The following CFAP107 variants were observed in gnomAD, a reference collection of about 807,000 sequenced individuals.
CFAP107 encodes the protein cilia- and flagella-associated protein 107.
the CFAP107 span, among the ~76,000 whole-genome samples, chr1:12,755,495 G>T: frequency 2.0e-5 from 3 of 152,158 alleles, no homozygotes; most frequent in Non-Finnish European, 2.9e-5. Context: ...GTGACCAGGG[G>T]AGCCAATGAC....
chr1:12,746,502 G>C, the CFAP107 span: 1 of 1,613,562 alleles, frequency 6.2e-7, no homozygotes, highest in Non-Finnish European at 8.5e-7. Flanking sequence ...AGTATTCAAC[G>C]AAAGTGCTCA....
At chr1:12,748,502 A>G in the CFAP107 span, among the ~76,000 whole-genome samples, 6 of 151,488 alleles carry the variant, frequency 4.0e-5, 1 homozygote, top group Non-Finnish European at 7.4e-5. Flanking sequence ...TCCAGGCAAG[A>G]TGTACACCAG....
chr1:12,747,863 T>C, the CFAP107 span, among the ~76,000 whole-genome samples: 1 of 152,124 alleles, frequency 6.6e-6, no homozygotes. Context: ...TGCATAAAAA[T>C]AGTGGAGTTG....
the CFAP107 span, chr1:12,759,539 G>T: frequency 3.7e-6 from 6 of 1,601,686 alleles, no homozygotes; most frequent in South Asian, 2.2e-5. Flanking sequence ...AAGTTGCACA[G>T]ACCAACGGAG....
the CFAP107 span, among the ~76,000 whole-genome samples, chr1:12,758,012 A>G: frequency 0.26 from 39,393 of 151,976 alleles, 5,306 homozygotes; most frequent in African/African-American, 0.33. Flanking sequence ...CAGAGCCCAC[A>G]AAAACTATTC....
chr1:12,760,771 T>A, the CFAP107 span: 1 of 1,611,980 alleles, frequency 6.2e-7, no homozygotes, highest in Admixed American at 1.7e-5. Flanking sequence ...CTCTTGCAGC[T>A]CCCCCTACAA....
At chr1:12,762,348 GC>G in the CFAP107 span, 1 of 140,100 alleles carries the variant, frequency 7.1e-6, no homozygotes, top group African/African-American at 3.1e-5. Context: ...AGGAGGAGGA[GC>G]CAGGGGGTGC....
At chr1:12,754,318 A>C in the CFAP107 span, among the ~76,000 whole-genome samples, 1 of 152,248 alleles carries the variant, frequency 6.6e-6, no homozygotes, top group Non-Finnish European at 1.5e-5. Flanking sequence ...TCAAAATTAC[A>C]ATGAGATACC....
the CFAP107 span, chr1:12,760,864 C>T: frequency 1.2e-6 from 2 of 1,613,994 alleles, no homozygotes; most frequent in Admixed American, 3.3e-5. Flanking sequence ...CTTCATCCTA[C>T]CCCAGACCAC....
chr1:12,757,042 G>C, the CFAP107 span, among the ~76,000 whole-genome samples: 1 of 152,208 alleles, frequency 6.6e-6, no homozygotes, highest in Non-Finnish European at 1.5e-5. Context: ...CTCTGGGGCT[G>C]CTGAGCTTCA....
the CFAP107 span, chr1:12,746,455 C>T: frequency 6.2e-7 from 1 of 1,613,646 alleles, no homozygotes; most frequent in South Asian, 1.1e-5. Flanking sequence ...AGTAAATCCA[C>T]AGCCACTCTC....
At chr1:12,758,836 T>C in the CFAP107 span, among the ~76,000 whole-genome samples, 20 of 152,174 alleles carry the variant, frequency 1.3e-4, no homozygotes, top group Non-Finnish European at 1.5e-5. Flanking sequence ...AGGCAATTTA[T>C]GGGGTGTTCT....
At chr1:12,759,876 A>G in the CFAP107 span, among the ~76,000 whole-genome samples, 7 of 152,194 alleles carry the variant, frequency 4.6e-5, no homozygotes, top group Admixed American at 3.3e-4. Flanking sequence ...GGGAGTTGAC[A>G]TTCCAGGGGG....
At chr1:12,752,281 C>G in the CFAP107 span, among the ~76,000 whole-genome samples, 1 of 151,972 alleles carries the variant, frequency 6.6e-6, no homozygotes, top group Non-Finnish European at 1.5e-5. Flanking sequence ...AGATTCCTTC[C>G]TGGAATGCAA....
At chr1:12,758,323 G>T in the CFAP107 span, among the ~76,000 whole-genome samples, 1 of 152,204 alleles carries the variant, frequency 6.6e-6, no homozygotes, top group Non-Finnish European at 1.5e-5. Flanking sequence ...GAAACTGCAA[G>T]AAAATTCCTC....
chr1:12,755,796 G>A, the CFAP107 span: 2 of 1,612,932 alleles, frequency 1.2e-6, no homozygotes, highest in Non-Finnish European at 8.5e-7. Context: ...CAGGTGGTAT[G>A]GGAAGAGGAA....
the CFAP107 span, chr1:12,760,803 T>TCA: frequency 6.2e-7 from 1 of 1,614,036 alleles, no homozygotes; most frequent in Non-Finnish European, 8.5e-7. Context: ...TATGAGCAGC[T>TCA]CAAGCAGAGA....
At chr1:12,755,897 G>T in the CFAP107 span, 172 of 915,358 alleles carry the variant, frequency 1.9e-4, no homozygotes, top group African/African-American at 1.5e-3. Context: ...TATAGGCTTA[G>T]TACCGTCTTG....
the CFAP107 span, among the ~76,000 whole-genome samples, chr1:12,752,606 A>G: frequency 6.7e-6 from 1 of 150,288 alleles, no homozygotes; most frequent in African/African-American, 2.4e-5. Context: ...ATTAACCAAT[A>G]TACTAGAATG....
Sources: gnomAD v4.1 joint callset for allele counts (sites outside exome capture counted in the v4.1 genomes callset) on GRCh38, gnomAD v4.1.1 for gene constraint, MANE v1.5 for transcripts, NCBI Gene and HGNC (gene_info 2026-07-23, HGNC 2026-07-21) for gene names.